The following ARHGAP31 variants were observed in gnomAD, a reference collection of about 807,000 sequenced individuals.
ARHGAP31 encodes rho GTPase-activating protein 31.
ARHGAP31 carries 34 observed loss-of-function variants against 113.9 expected under a neutral mutation model. That is an observed-to-expected ratio of 0.30 (90% confidence interval 0.23 to 0.40). ARHGAP31 has a LOEUF of 0.40. Ranked by LOEUF, ARHGAP31 falls within the 10% of genes least tolerant of loss-of-function variation. ARHGAP31 has a pLI of 1.00. For synonymous variants in ARHGAP31, 650 were observed against 684.8 expected, an observed-to-expected ratio of 0.95 and a Z score of 0.79; for missense variants, 1,548 against 1,767.1, an observed-to-expected ratio of 0.88 and a Z score of 2.22.
At chr3:119,394,490 T>G (rs9840932) in intron 8 of ARHGAP31, among the ~76,000 whole-genome samples, 90,578 of 151,938 alleles carry the variant, frequency 0.6, 27,729 homozygotes, top group East Asian at 0.85. Context: ...AGCTGAATAT[T>G]ATGTCAGGAA....
chr3:119,323,364 C>G (rs895595099), intron 1 of ARHGAP31, among the ~76,000 whole-genome samples: 3 of 152,198 alleles, frequency 2.0e-5, no homozygotes, highest in Non-Finnish European at 4.4e-5. Flanking sequence ...ATGGGCTTCT[C>G]GCGCCCCAGG....
intron 11 of ARHGAP31, among the ~76,000 whole-genome samples, chr3:119,412,751 T>C (rs2080727193): frequency 1.3e-5 from 2 of 152,192 alleles, no homozygotes; most frequent in African/African-American, 4.8e-5. Flanking sequence ...AGACTGGGCG[T>C]GGTGGCTCAC....
Position 119,416,388 on chromosome 3 carries a change from T to C in ARHGAP31, c.*124T>C. On this transcript the variant is annotated 3_prime_UTR_variant, in exon 12 of 12. Transcript: ENST00000264245. ...GGCCTATTGTGGCCTCTGACTTCTC[T>C]TTCTTCAGCCTTTTGACCACTTATT... 7.2e-7 allele frequency: 1 copy of C among 1,383,976 alleles called. No individual in the cohort carries two copies. Among genetic ancestry groups the C allele is most frequent in the East Asian group, 2.4e-5 (1 of 41,894 alleles). The allele number at this position is 1,383,976 out of a possible 1,614,324, so 85.7% of individuals were successfully genotyped here. A position where few individuals can be genotyped will look rare whatever the true frequency, so the allele number is the denominator to read the frequency against.
chr3:119,419,166 C>T lies in ARHGAP31; in HGVS notation c.*2902C>T, dbSNP rs1374999440. The T allele has an allele frequency of 6.6e-6, 1 of 152,170 alleles. No homozygotes were observed. Among genetic ancestry groups the T allele is most frequent in the African/African-American group, 2.4e-5 (1 of 41,434 alleles). 9.4% of individuals were successfully genotyped at this position (152,170 alleles called of 1,614,324 possible). A position where few individuals can be genotyped will look rare whatever the true frequency, so the allele number is the denominator to read the frequency against. On this transcript the variant is annotated 3_prime_UTR_variant, in exon 12 of 12. Coordinates refer to ENST00000264245, the MANE Select transcript of ARHGAP31 (RefSeq NM_020754.4). ...AGCTGCTGTGTTTAGGAGGATTTAC[C>T]TGGTGCCCTAGAAAGGGCTATGCAA...
At chr3:119,392,778 A>G (rs1489930709) in intron 7 of ARHGAP31, among the ~76,000 whole-genome samples, 3 of 152,174 alleles carry the variant, frequency 2.0e-5, no homozygotes, top group Admixed American at 6.5e-5. Context: ...TACTCTCCTC[A>G]GCCTCACCAG....
At chr3:119,341,764 A>AAAATCTGTG (rs2080009787) in intron 1 of ARHGAP31, 1 of 152,076 alleles carries the variant, frequency 6.6e-6, no homozygotes, top group Non-Finnish European at 1.5e-5. Context: ...GTAACAACCA[A>AAAATCTGTG]AAATCTGTGT....
chr3:119,316,904 C>T (rs1453951374), intron 1 of ARHGAP31, among the ~76,000 whole-genome samples: 24 of 152,184 alleles, frequency 1.6e-4, no homozygotes, highest in Non-Finnish European at 2.9e-5. Context: ...TCTTTTGTGC[C>T]GCAGGTCACC....
intron 1 of ARHGAP31, among the ~76,000 whole-genome samples, chr3:119,295,756 G>A (rs1020465450): frequency 1.0e-4 from 15 of 148,248 alleles, no homozygotes; most frequent in Non-Finnish European, 1.9e-4. Context: ...TCAGATGGGG[G>A]TAGGGGGGAG....
chr3:119,304,422 TATGGGAGG>T (rs1156472342), intron 1 of ARHGAP31, among the ~76,000 whole-genome samples: 1 of 152,092 alleles, frequency 6.6e-6, no homozygotes, highest in Non-Finnish European at 1.5e-5. Flanking sequence ...TTATGACAGC[TATGGGAGG>T]ATGGGAGGAT....
chr3:119,314,591 C>A (rs191656610), intron 1 of ARHGAP31: 1 of 152,586 alleles, frequency 6.6e-6, no homozygotes, highest in African/African-American at 2.4e-5. Context: ...GGAGTGTGTT[C>A]TGTATAAGTG....
chr3:119,352,956 C>T (rs1275160876), intron 1 of ARHGAP31, among the ~76,000 whole-genome samples: 3 of 152,204 alleles, frequency 2.0e-5, no homozygotes, highest in African/African-American at 7.2e-5. Flanking sequence ...ATACTATTCT[C>T]TGTTTCCTGC....
chr3:119,320,236 T>C (rs546481333), intron 1 of ARHGAP31, among the ~76,000 whole-genome samples: 1 of 152,342 alleles, frequency 6.6e-6, no homozygotes, highest in African/African-American at 2.4e-5. Flanking sequence ...AACTTGGTTT[T>C]ATCAGTGTCT....
At chr3:119,324,312 T>G (rs1473603254) in intron 1 of ARHGAP31, among the ~76,000 whole-genome samples, 1 of 152,192 alleles carries the variant, frequency 6.6e-6, no homozygotes, top group Non-Finnish European at 1.5e-5. Context: ...TGTAATAAAT[T>G]TATCCGGATG....
Position 119,418,602 on chromosome 3 carries a change from T to G in ARHGAP31, c.*2338T>G, listed in dbSNP as rs191056250. ...TAACATTTATAAGATCTATTTTTAT[T>G]TGGGGATAGACTGAGAAGCCACCAT... On this transcript the variant is annotated 3_prime_UTR_variant, in exon 12 of 12. Transcript: ENST00000264245. The G allele has an allele frequency of 6.6e-6, 1 of 152,230 alleles. No homozygotes were observed. Among genetic ancestry groups the G allele is most frequent in the South Asian group, 2.1e-4 (1 of 4,834 alleles). The allele number at this position is 152,230 out of a possible 1,614,324, so 9.4% of individuals were successfully genotyped here. A position where few individuals can be genotyped will look rare whatever the true frequency, so the allele number is the denominator to read the frequency against.
chr3:119,359,735 G>A (rs554108486), intron 1 of ARHGAP31, among the ~76,000 whole-genome samples: 1 of 152,108 alleles, frequency 6.6e-6, no homozygotes, highest in African/African-American at 2.4e-5. Flanking sequence ...TTGGATTCTG[G>A]GGGGGAAACG....
intron 1 of ARHGAP31, among the ~76,000 whole-genome samples, chr3:119,295,484 G>T (rs2079525269): frequency 8.0e-6 from 1 of 125,490 alleles, no homozygotes; most frequent in Non-Finnish European, 1.6e-5. Flanking sequence ...AGGCAGTTGC[G>T]GGTGGGGGGT....
chr3:119,303,397 G>T (rs1041405524), intron 1 of ARHGAP31, among the ~76,000 whole-genome samples: 1 of 152,186 alleles, frequency 6.6e-6, no homozygotes, highest in Non-Finnish European at 1.5e-5. Context: ...CCTTTTCCTA[G>T]TTCCTCACCA....
intron 1 of ARHGAP31, among the ~76,000 whole-genome samples, chr3:119,350,159 G>T (rs950435168): frequency 6.6e-6 from 1 of 152,160 alleles, no homozygotes; most frequent in East Asian, 1.9e-4. Context: ...TGAATTGCCT[G>T]AAAAGGGTTA....
chr3:119,403,754 G>C (rs1320575325), intron 10 of ARHGAP31, among the ~76,000 whole-genome samples: 2 of 152,210 alleles, frequency 1.3e-5, no homozygotes, highest in Non-Finnish European at 2.9e-5. Context: ...ATGCAGAAAA[G>C]AAGAGAAAGG....
Sources: allele counts gnomAD v4.1 joint callset (sites outside exome capture counted in the v4.1 genomes callset), GRCh38; gene constraint gnomAD v4.1.1; transcripts MANE v1.5; gene names NCBI Gene and HGNC (gene_info 2026-07-23, HGNC 2026-07-21).